The following ZNF667 variants were observed in gnomAD, a reference collection of about 807,000 sequenced individuals.
ZNF667 encodes myocardial ischemic preconditioning upregulated 1 ortholog.
ZNF667 carries 13 observed loss-of-function variants against 31.8 expected under a neutral mutation model. The observed-to-expected ratio is 0.41, with a 90% CI of 0.27 to 0.65. The LOEUF (loss-of-function observed/expected upper bound fraction) is 0.65, where lower values mean the gene tolerates loss of function less well. ZNF667 is among the 30% of genes least tolerant of loss of function. The probability of loss-of-function intolerance (pLI) is 0.32; values close to 1 mark genes in which losing one functional copy is unlikely to be tolerated. For missense variants in ZNF667, 642 were observed against 725.6 expected (o/e 0.88, Z 1.32); for synonymous variants, 228 against 247.1 (o/e 0.92, Z 0.73).
At chr19:56,454,652 T>C (rs528557166) in intron 6 of ZNF667, among the ~76,000 whole-genome samples, 1 of 149,168 alleles carries the variant, frequency 6.7e-6, no homozygotes, top group Non-Finnish European at 1.5e-5. Context: ...GACTCCAATC[T>C]CTTGCCATAT....
chr19:56,452,889 AGCCTGGGT>A (rs1435662645), intron 6 of ZNF667, among the ~76,000 whole-genome samples: 2 of 151,906 alleles, frequency 1.3e-5, no homozygotes, highest in African/African-American at 4.8e-5. Context: ...ACTGCACTCC[AGCCTGGGT>A]GACAGAGCAA....
intron 5 of ZNF667, among the ~76,000 whole-genome samples, chr19:56,460,267 C>T (rs1250684079): frequency 6.6e-6 from 1 of 152,142 alleles, no homozygotes; most frequent in Non-Finnish European, 1.5e-5. Flanking sequence ...GCACATGCTA[C>T]AACATGATGA....
At chr19:56,471,144 A>C (rs1600461720) in intron 3 of ZNF667, among the ~76,000 whole-genome samples, 6 of 152,058 alleles carry the variant, frequency 3.9e-5, no homozygotes, top group Admixed American at 3.9e-4. Flanking sequence ...GTTGTTTAGA[A>C]GTGTGTAGCC....
chr19:56,458,081 T>C (rs1223099641), intron 6 of ZNF667, 74 bp downstream of exon 6: 1 of 1,315,872 alleles, frequency 7.6e-7, no homozygotes, highest in African/African-American at 1.4e-5. Flanking sequence ...TGTTTGTAAG[T>C]CACCTAATAT....
intron 1 of ZNF667, chr19:56,474,509 G>C (rs1363878369): frequency 8.5e-5 from 13 of 152,326 alleles, no homozygotes; most frequent in Non-Finnish European, 1.5e-5. Flanking sequence ...ACTTTGCCCG[G>C]GAACACATTA....
chr19:56,456,281 A>T (rs1204436269), intron 6 of ZNF667, among the ~76,000 whole-genome samples: 1 of 152,210 alleles, frequency 6.6e-6, no homozygotes, highest in Non-Finnish European at 1.5e-5. Context: ...AGTTGTAGTC[A>T]TGGTTATGAT....
chr19:56,462,525 A>ATGC, intron 3 of ZNF667, 96 bp from the exon 4 acceptor site: 1 of 774,466 alleles, frequency 1.3e-6, no homozygotes, highest in Admixed American at 1.9e-5. Flanking sequence ...ATGCACACAT[A>ATGC]TGCACGTGCA....
intron 6 of ZNF667, chr19:56,449,201 C>T (rs370220424): frequency 1.6e-4 from 62 of 384,502 alleles, no homozygotes; most frequent in African/African-American, 1.2e-3. Context: ...CTAGTACAAA[C>T]AAGCCCAGAC....
chr19:56,460,837 C>A, intron 4 of ZNF667, 22 bp from the exon 5 acceptor site: 1 of 1,571,430 alleles, frequency 6.4e-7, no homozygotes, highest in Non-Finnish European at 8.6e-7. Context: ...AATCAAATGT[C>A]TATTCACCAT....
intron 2 of ZNF667, chr19:56,473,110 A>G (rs2043328244): frequency 6.6e-6 from 1 of 152,248 alleles, no homozygotes; most frequent in Admixed American, 6.5e-5. Context: ...CATGTGCACA[A>G]TGAGAGACAC....
chr19:56,459,863 G>T (rs1303616820), intron 5 of ZNF667, among the ~76,000 whole-genome samples: 1 of 152,040 alleles, frequency 6.6e-6, no homozygotes, highest in Admixed American at 6.6e-5. Context: ...GTGATGGAGC[G>T]TGCCTGTAAT....
chr19:56,442,511 G>GAAGT lies in ZNF667; in HGVS notation c.480_483dup (p.His162ThrfsTer13). 2 of 1,613,610 alleles carry GAAGT rather than the reference G, an allele frequency of 1.2e-6. No individual in the cohort carries two copies. Among genetic ancestry groups the GAAGT allele is most frequent in the South Asian group, 2.2e-5 (2 of 91,044 alleles). ...TTCTCTCCTGTATGAATGTTCTGAT[G>GAAGT]AAGTTTAAGAGAGAAGCTTCGACTA... On this transcript the variant is annotated frameshift_variant, in exon 7 of 7. Transcript: ENST00000504904. LOFTEE classifies it low-confidence loss of function (END_TRUNC).
At chr19:56,454,178 G>A (rs1352591897) in intron 6 of ZNF667, among the ~76,000 whole-genome samples, 1 of 152,112 alleles carries the variant, frequency 6.6e-6, no homozygotes, top group East Asian at 1.9e-4. Flanking sequence ...AGAAACTGAT[G>A]AGGACACAAA....
At chr19:56,472,561 A>G (rs10413986) in intron 2 of ZNF667, 29,617 of 152,020 alleles carry the variant, frequency 0.19, 3,638 homozygotes, top group African/African-American at 0.34. Context: ...CAGTAAGACC[A>G]GCTCCTCCTC....
intron 3 of ZNF667, chr19:56,467,058 C>T: frequency 2.2e-6 from 1 of 456,604 alleles, no homozygotes; most frequent in South Asian, 1.5e-5. Context: ...TCTTTTCCAG[C>T]AACACTCACT....
At chr19:56,466,980 G>A (rs1305938725) in intron 3 of ZNF667, 1 of 456,194 alleles carries the variant, frequency 2.2e-6, no homozygotes, top group Admixed American at 2.4e-5. Context: ...ACTGTGCTCT[G>A]TGACTCACCT....
chr19:56,458,627 A>G (rs1311692838), intron 5 of ZNF667, among the ~76,000 whole-genome samples: 1 of 152,146 alleles, frequency 6.6e-6, no homozygotes, highest in African/African-American at 2.4e-5. Flanking sequence ...CTGGAGGTTG[A>G]GCCAATCACT....
intron 6 of ZNF667, among the ~76,000 whole-genome samples, chr19:56,443,047 G>A (rs993811468): frequency 6.6e-6 from 1 of 152,150 alleles, no homozygotes; most frequent in African/African-American, 2.4e-5. Context: ...GTTTATTAGA[G>A]AATGTGTCCA....
chr19:56,454,989 G>A (rs939991231), intron 6 of ZNF667, among the ~76,000 whole-genome samples: 2 of 152,002 alleles, frequency 1.3e-5, no homozygotes, highest in South Asian at 2.1e-4. Flanking sequence ...GGAAAAAAAT[G>A]TAATAATCCA....
Sources: gnomAD v4.1 joint callset for allele counts (sites outside exome capture counted in the v4.1 genomes callset) on GRCh38, gnomAD v4.1.1 for gene constraint, MANE v1.5 for transcripts, NCBI Gene and HGNC (gene_info 2026-07-23, HGNC 2026-07-21) for gene names.